ZNF280C: variants seen among roughly 807,000 people sequenced by gnomAD.
ZNF280C encodes zinc finger protein 280C, also known as suppressor of hairy wing homolog 3.
Under a neutral mutation model 53.6 loss-of-function variants are expected in ZNF280C, and 14 were observed. That is an observed-to-expected ratio of 0.26 (90% CI 0.17 to 0.41). The LOEUF (loss-of-function observed/expected upper bound fraction) is 0.41. Ranked by LOEUF, ZNF280C falls within the 10% of genes least tolerant of loss-of-function variation. The pLI, the probability that ZNF280C is intolerant of heterozygous loss-of-function variation, is 1.00. For missense variants in ZNF280C, 416 were observed against 547.1 expected (o/e 0.76, Z 2.39); for synonymous variants, 203 against 181.1 (o/e 1.12, Z -0.97).
intron 16 of ZNF280C, among the ~76,000 whole-genome samples, chrX:130,206,015 A>G (rs1648061477): frequency 8.9e-6 from 1 of 112,210 alleles, no homozygotes; most frequent in African/African-American, 3.2e-5. Context: ...GTCTCCCTTA[A>G]CAACTTAAGT....
Position 130,229,095 on chromosome X carries a change from C to T in ZNF280C, c.1029G>A (p.Lys343=), listed in dbSNP as rs2032252282. Residue 343 remains lysine, a synonymous_variant, in exon 10 of 19, where the codon AAG becomes AAA. Transcript: ENST00000370978. ...NHMKHHLELE[K]QNNESWENHT... is the part of the protein sequence containing the mutation. ...GGTTTTCCCAGCTTTCATTGTTCTG[C>T]TTCTCAAGTTCCAAGTGATGTTTCA... 3.3e-6 allele frequency: 4 copies of T among 1,208,478 alleles called. No individual in the cohort carries two copies. The highest frequency in any genetic ancestry group is 3.4e-6 in the Non-Finnish European group (3 of 893,778).
chrX:130,257,024 C>T (rs1351726613), intron 2 of ZNF280C, among the ~76,000 whole-genome samples: 1 of 108,339 alleles, frequency 9.2e-6, no homozygotes, highest in African/African-American at 3.4e-5. Context: ...CATGGTGAAA[C>T]CCCGTCTCTA....
intron 15 of ZNF280C, among the ~76,000 whole-genome samples, chrX:130,213,655 G>C (rs1305487683): frequency 8.9e-6 from 1 of 111,910 alleles, no homozygotes; most frequent in Non-Finnish European, 1.9e-5. Flanking sequence ...TAGAAAAAGG[G>C]GTCAAGACTC....
Position 130,246,997 on chromosome X carries a change from T to C in ZNF280C, c.40A>G (p.Lys14Glu). The change falls in exon 3 of 19, where the codon AAA becomes GAA. Residue 14 changes from lysine to glutamate, a missense_variant. Physicochemically the swap from Lys to Glu is moderately conservative, Grantham distance 56. This residue lies in a region of ZNF280C where 193 missense variants were observed against 201.4 expected (regional missense o/e 0.96). Coordinates refer to ENST00000370978, the MANE Select transcript of ZNF280C (RefSeq NM_017666.5). ...DKPFQPKNIS[K>E]MAELFMECEE... is the part of the protein sequence containing the mutation. Reference sequence around the variant, plus strand: ...CATTCCATAAAGAGTTCTGCCATTTTTGAAATGTCTAATTTTCAAGAGAAG... The same window carrying C: ...CATTCCATAAAGAGTTCTGCCATTTCTGAAATGTCTAATTTTCAAGAGAAG... 8.3e-7 allele frequency: 1 copy of C among 1,199,856 alleles called. No homozygotes were observed. The highest frequency in any genetic ancestry group is 1.1e-6 in the Non-Finnish European group (1 of 892,095).
intron 5 of ZNF280C, among the ~76,000 whole-genome samples, chrX:130,243,343 CCAGCT>C (rs988325633): frequency 9.0e-6 from 1 of 111,323 alleles, no homozygotes; most frequent in African/African-American, 3.3e-5. Context: ...ACCACTATGC[CCAGCT>C]AATTTTTTGT....
Position 130,242,925 on chromosome X carries a change from C to T in ZNF280C, c.381+638G>A, listed in dbSNP as rs2032409666. 2.7e-5 allele frequency among the ~76,000 whole-genome samples: 3 copies of T among 111,021 alleles called. No individual in the cohort carries two copies. In the South Asian group the frequency reaches 1.2e-3, roughly 43 times the overall value. Reference sequence around the variant, plus strand: ...ACTACTGAGCTCAAGCAGTCCACCTCCTTCAGCCTCCCAAAGTGCTAGGAT... The same window carrying T: ...ACTACTGAGCTCAAGCAGTCCACCTTCTTCAGCCTCCCAAAGTGCTAGGAT... On this transcript the variant is annotated intron_variant, in intron 5 of 18. Transcript: ENST00000370978.
intron 5 of ZNF280C, among the ~76,000 whole-genome samples, chrX:130,240,129 T>C (rs1284169785): frequency 9.0e-6 from 1 of 111,292 alleles, no homozygotes; most frequent in African/African-American, 3.3e-5. Flanking sequence ...ATAGCAAAAA[T>C]TGAAAACCTG....
intron 12 of ZNF280C, among the ~76,000 whole-genome samples, chrX:130,224,339 T>A (rs1305458573): frequency 9.0e-6 from 1 of 111,544 alleles, no homozygotes; most frequent in Non-Finnish European, 1.9e-5. Context: ...ACAGCCTCCA[T>A]AACAGAGAGA....
chrX:130,235,958 T>C (rs181204040), intron 8 of ZNF280C, among the ~76,000 whole-genome samples: 12 of 112,213 alleles, frequency 1.1e-4, no homozygotes, highest in African/African-American at 3.9e-4. Context: ...CTTTCTATGC[T>C]TGGCTTATTT....
intron 15 of ZNF280C, among the ~76,000 whole-genome samples, chrX:130,211,042 A>G (rs375656657): frequency 8.9e-6 from 1 of 112,320 alleles, no homozygotes; most frequent in African/African-American, 3.2e-5. Flanking sequence ...GACAGACCCA[A>G]CACAGCAGGT....
rs770470759 is a variant in ZNF280C, at chrX:130,209,763, C to G, written c.1980-48G>C. The G allele has an allele frequency of 1.2e-5, 12 of 1,009,346 alleles. No homozygotes were observed. The South Asian group carries it at 2.6e-4, about 22-fold the overall frequency. The allele number at this position is 1,009,346 out of a possible 1,213,427, so 83.2% of individuals were successfully genotyped here. On this transcript the variant is annotated intron_variant, in intron 15 of 18. Coordinates refer to ENST00000370978, the MANE Select transcript of ZNF280C (RefSeq NM_017666.5). ...AGATTTTATTAATTTTATTATACAA[C>G]ACCATATTAATTTTCTGACCACATT...
At chrX:130,235,513 CAAAT>C (rs2032322317) in intron 8 of ZNF280C, among the ~76,000 whole-genome samples, 1 of 110,922 alleles carries the variant, frequency 9.0e-6, no homozygotes, top group African/African-American at 3.3e-5. Flanking sequence ...GACTCTGTCT[CAAAT>C]AAATAAATAA....
At chrX:130,209,041 G>A (rs2032013334) in intron 16 of ZNF280C, among the ~76,000 whole-genome samples, 1 of 111,948 alleles carries the variant, frequency 8.9e-6, no homozygotes, top group African/African-American at 3.2e-5. Context: ...TCCTCTATGA[G>A]CTGTTGGTCC....
At chrX:130,228,234 AG>A (rs1160000316) in intron 10 of ZNF280C, among the ~76,000 whole-genome samples, 2 of 112,062 alleles carry the variant, frequency 1.8e-5, no homozygotes, top group Admixed American at 9.4e-5. Flanking sequence ...GCATGTGCCA[AG>A]GAAGTTTCCA....
Position 130,229,100 on chromosome X carries a change from C to G in ZNF280C, c.1024G>C (p.Glu342Gln), listed in dbSNP as rs2032252459. ...TCCCAGCTTTCATTGTTCTGCTTCTCAAGTTCCAAGTGATGTTTCATGTGG... is the reference window on the plus strand; with the variant it reads ...TCCCAGCTTTCATTGTTCTGCTTCTGAAGTTCCAAGTGATGTTTCATGTGG... ...MNHMKHHLEL[E>Q]KQNNESWENH... The change falls in exon 10 of 19, where the codon GAG becomes CAG. Residue 342 changes from glutamate to glutamine, a missense_variant. Physicochemically the swap from Glu to Gln is conservative, Grantham distance 29. Around this residue, in one of 3 missense-constraint regions of ZNF280C, gnomAD observed 72 missense variants for 168.8 expected, o/e 0.43. Coordinates refer to ENST00000370978, the MANE Select transcript of ZNF280C (RefSeq NM_017666.5). 8.3e-7 allele frequency: 1 copy of G among 1,207,779 alleles called. No individual in the cohort carries two copies. Among genetic ancestry groups the G allele is most frequent in the Non-Finnish European group, 1.1e-6 (1 of 893,528 alleles).
chrX:130,244,974 A>G (rs932470550), intron 3 of ZNF280C, among the ~76,000 whole-genome samples: 10 of 111,173 alleles, frequency 9.0e-5, no homozygotes, highest in Non-Finnish European at 1.7e-4. Context: ...GAAATTCAAG[A>G]TAAGTATTAC....
chrX:130,216,774 G>A (rs1388837792), intron 13 of ZNF280C, among the ~76,000 whole-genome samples: 8 of 111,545 alleles, frequency 7.2e-5, no homozygotes, highest in African/African-American at 1.3e-4. Flanking sequence ...CGAGGTGGGC[G>A]GATCACTTGA....
intron 6 of ZNF280C, 102 bp from the exon 7 acceptor site, chrX:130,236,741 G>T: frequency 2.0e-6 from 1 of 499,068 alleles, no homozygotes; most frequent in Non-Finnish European, 3.1e-6. Flanking sequence ...TTAAAACTGA[G>T]CAAAAACAGT....
chrX:130,238,026 T>A (rs1306192290), intron 6 of ZNF280C, among the ~76,000 whole-genome samples: 1 of 111,277 alleles, frequency 9.0e-6, no homozygotes, highest in East Asian at 2.8e-4. Context: ...TACTTATTTG[T>A]GTTGTGTTTG....
Sources: gnomAD v4.1 joint callset for allele counts (sites outside exome capture counted in the v4.1 genomes callset) on GRCh38, gnomAD v4.1.1 for gene constraint, gnomAD v4.1.1 regional missense constraint, MANE v1.5 for transcripts, NCBI Gene and HGNC (gene_info 2026-07-23, HGNC 2026-07-21) for gene names.